Variants in CKAP5 observed in about 807,000 individuals in gnomAD.
CKAP5 encodes the protein cytoskeleton-associated protein 5.
CKAP5 carries 27 observed loss-of-function variants against 232.8 expected under a neutral mutation model. That is an observed-to-expected ratio of 0.12 (90% CI 0.09 to 0.16). The LOEUF is 0.16. CKAP5 is among the 10% of genes least tolerant of loss of function. CKAP5 has a pLI of 1.00. For missense variants in CKAP5, 1,838 were observed against 2,424.7 expected, an observed-to-expected ratio of 0.76 and a Z score of 5.08; for synonymous variants, 785 against 841.1, an observed-to-expected ratio of 0.93 and a Z score of 1.16.
At chr11:46,843,107 G>A (rs1940100443) in intron 1 of CKAP5, among the ~76,000 whole-genome samples, 1 of 150,506 alleles carries the variant, frequency 6.6e-6, no homozygotes, top group Non-Finnish European at 1.5e-5. Flanking sequence ...GCCAAAGGGA[G>A]ACCCTGCTGG....
intron 11 of CKAP5, 110 bp from the exon 12 acceptor site, chr11:46,797,050 C>G: frequency 8.2e-7 from 1 of 1,219,976 alleles, no homozygotes; most frequent in South Asian, 1.4e-5. Flanking sequence ...TTACAATTTA[C>G]TGGAACTAAG....
At chr11:46,800,966 A>G (rs1011773005) in intron 9 of CKAP5, among the ~76,000 whole-genome samples, 2 of 130,938 alleles carry the variant, frequency 1.5e-5, no homozygotes, top group African/African-American at 4.9e-5. Flanking sequence ...TCAACTAAGT[A>G]CTTTAGGCCT....
chr11:46,836,577 C>T (rs1451430606), intron 1 of CKAP5, among the ~76,000 whole-genome samples: 2 of 151,980 alleles, frequency 1.3e-5, no homozygotes, highest in Admixed American at 6.6e-5. Context: ...AAAGTGGGGA[C>T]ACTACATACC....
chr11:46,825,721 T>C lies in CKAP5; in HGVS notation c.-37-4453A>G, dbSNP rs1239369497. Among the ~76,000 whole-genome samples the C allele has an allele frequency of 2.0e-5, 3 of 151,828 alleles. No individual in the cohort carries two copies. In the East Asian group the frequency reaches 5.8e-4, roughly 29 times the overall value. On this transcript the variant is annotated intron_variant, in intron 1 of 43. Coordinates refer to ENST00000529230, the MANE Select transcript of CKAP5 (RefSeq NM_001008938.4). ...TCTGCTCCATCAAAAAGCAACCCAT[T>C]TGAATGACCACTGAGTGTGATGATA...
At chr11:46,809,705 T>C (rs779914198) in intron 6 of CKAP5, 37 bp downstream of exon 6, 12 of 1,612,474 alleles carry the variant, frequency 7.4e-6, no homozygotes, top group Middle Eastern at 1.7e-4. Context: ...CAGTTCTTGC[T>C]AATTTTTGCA....
At chr11:46,841,483 G>A (rs1940051036) in intron 1 of CKAP5, among the ~76,000 whole-genome samples, 1 of 152,158 alleles carries the variant, frequency 6.6e-6, no homozygotes, top group African/African-American at 2.4e-5. Flanking sequence ...TTGCTAGAAT[G>A]ACTTGGCTCA....
At chr11:46,762,323 TG>T in intron 31 of CKAP5, 130 bp from the exon 32 acceptor site, 1 of 1,027,014 alleles carries the variant, frequency 9.7e-7, no homozygotes, top group East Asian at 2.4e-5. Flanking sequence ...TAGGATTTTT[TG>T]TTTACTGCCT....
At position 46,749,318 on chromosome 11, in the gene CKAP5, G is replaced by C. The variant is rs371821191; in HGVS notation, c.5704+956C>G. ...AAAAATACAAACATTAGCTGGGTGT[G>C]GTGGCACCCGCCTGTGGTTCCAGCT... On this transcript the variant is annotated intron_variant, in intron 42 of 43. Transcript: ENST00000529230. 5.7e-4 allele frequency among the ~76,000 whole-genome samples: 87 copies of C among 151,880 alleles called. 1 individual carries two copies. The South Asian group carries it at 0.017, about 30-fold the overall frequency.
Position 46,836,162 on chromosome 11 carries a change from T to A in CKAP5, c.-38+10058A>T, listed in dbSNP as rs534034834. 2.0e-5 allele frequency among the ~76,000 whole-genome samples: 3 copies of A among 152,234 alleles called. No homozygotes were observed. The East Asian group carries it at 5.8e-4, about 29-fold the overall frequency. The stretch of plus-strand genomic sequence containing the variant: ...GTGCAATATGTTACCCTGAATTGGA[T>A]CCTGAAACAGAATGGGCACATGAAT... On this transcript the variant is annotated intron_variant, in intron 1 of 43. Coordinates refer to ENST00000529230, the MANE Select transcript of CKAP5 (RefSeq NM_001008938.4).
intron 1 of CKAP5, among the ~76,000 whole-genome samples, chr11:46,827,471 A>C (rs1208152719): frequency 1.3e-5 from 2 of 152,132 alleles, no homozygotes; most frequent in Non-Finnish European, 2.9e-5. Context: ...CTCTACAAAA[A>C]ATAAAAAATT....
Position 46,803,357 on chromosome 11 carries a change from C to G in CKAP5, c.979-2053G>C, listed in dbSNP as rs112192943. The stretch of plus-strand genomic sequence containing the variant: ...GATCTCAGCTCACCGCAACCTCCCC[C>G]TCCCAGGTTCAAGCGATCTTCCCAC... On this transcript the variant is annotated intron_variant, in intron 8 of 43. Coordinates refer to ENST00000529230, the MANE Select transcript of CKAP5 (RefSeq NM_001008938.4). Among the ~76,000 whole-genome samples, 250 of 152,070 alleles carry G rather than the reference C, an allele frequency of 1.6e-3. 1 individual carries two copies. Among genetic ancestry groups the G allele is most frequent in the African/African-American group, 5.7e-3 (236 of 41,516 alleles).
chr11:46,793,891 C>T (rs1938803288), intron 13 of CKAP5, among the ~76,000 whole-genome samples: 1 of 151,910 alleles, frequency 6.6e-6, no homozygotes, highest in Non-Finnish European at 1.5e-5. Context: ...TGTGCCACTG[C>T]ACTCCAGCCT....
At position 46,827,022 on chromosome 11, in the gene CKAP5, T is replaced by A. The variant is rs935831168; in HGVS notation, c.-37-5754A>T. On this transcript the variant is annotated intron_variant, in intron 1 of 43. Coordinates refer to ENST00000529230, the MANE Select transcript of CKAP5 (RefSeq NM_001008938.4). ...GCAGGCCTCAGGCGCTGCTTCTAGGTCCTAGGCTTTCCCAGGCAAGAGGCA... is the reference window on the plus strand; with the variant it reads ...GCAGGCCTCAGGCGCTGCTTCTAGGACCTAGGCTTTCCCAGGCAAGAGGCA... Among the ~76,000 whole-genome samples the A allele has an allele frequency of 2.1e-4, 32 of 152,280 alleles. No homozygotes were observed. In the East Asian group the frequency reaches 2.7e-3, roughly 13 times the overall value.
intron 1 of CKAP5, among the ~76,000 whole-genome samples, chr11:46,830,922 G>A (rs1003051099): frequency 3.4e-4 from 52 of 151,968 alleles, no homozygotes; most frequent in African/African-American, 1.2e-3. Flanking sequence ...AAAATTAGCC[G>A]GGCATGGTGG....
At chr11:46,762,856 A>G (rs1482263682) in intron 30 of CKAP5, 94 bp from the exon 31 acceptor site, 1 of 1,445,240 alleles carries the variant, frequency 6.9e-7, no homozygotes, top group Non-Finnish European at 9.6e-7. Flanking sequence ...ATAGGGAAAT[A>G]GGGATAAGTA....
intron 24 of CKAP5, among the ~76,000 whole-genome samples, chr11:46,775,334 G>A (rs1218491634): frequency 6.6e-6 from 1 of 152,278 alleles, no homozygotes; most frequent in Admixed American, 6.5e-5. Flanking sequence ...AGATGCTGGA[G>A]AGGATGTGGA....
chr11:46,813,703 A>C (rs1291576331), intron 4 of CKAP5, among the ~76,000 whole-genome samples: 1 of 152,196 alleles, frequency 6.6e-6, no homozygotes, highest in East Asian at 1.9e-4. Context: ...CAGGGATGGG[A>C]CTACATAACA....
chr11:46,846,277 C>G lies in CKAP5; in HGVS notation c.-95G>C, dbSNP rs534976778. 2 of 152,660 alleles carry G rather than the reference C, an allele frequency of 1.3e-5. No homozygotes were observed. Among genetic ancestry groups the G allele is most frequent in the Non-Finnish European group, 2.9e-5 (2 of 68,298 alleles). 9.5% of individuals were successfully genotyped at this position (152,660 alleles called of 1,614,324 possible). On this transcript the variant is annotated 5_prime_UTR_variant, in exon 1 of 44. Coordinates refer to ENST00000529230, the MANE Select transcript of CKAP5 (RefSeq NM_001008938.4). The stretch of plus-strand genomic sequence containing the variant: ...AAGCCGTTTGAAACCGCTTGGGCCG[C>G]CGCACACCCCGCAGTGTCCTCGTTC...
chr11:46,765,757 A>G (rs979509991), intron 27 of CKAP5, among the ~76,000 whole-genome samples: 20 of 151,928 alleles, frequency 1.3e-4, no homozygotes, highest in African/African-American at 4.8e-4. Context: ...GGCGCCCACC[A>G]CCACCCCTGG....
Sources: gnomAD v4.1 joint callset for allele counts (sites outside exome capture counted in the v4.1 genomes callset) on GRCh38, gnomAD v4.1.1 for gene constraint, MANE v1.5 for transcripts, NCBI Gene and HGNC (gene_info 2026-07-23, HGNC 2026-07-21) for gene names.